The following PTBP3 variants were observed in gnomAD, a reference collection of about 807,000 sequenced individuals.
PTBP3 encodes the protein polypyrimidine tract-binding protein 3.
Under a neutral mutation model 58.7 loss-of-function variants are expected in PTBP3, and 20 were observed. The ratio of observed to expected loss-of-function variants is 0.34; its 90% confidence interval spans 0.24 to 0.50. The LOEUF (loss-of-function observed/expected upper bound fraction) is 0.50, where lower values mean the gene tolerates loss of function less well. Among genes scored for constraint, PTBP3 ranks in the 20% least tolerant of loss-of-function variants. The pLI, the probability that PTBP3 is intolerant of heterozygous loss-of-function variation, is 0.98. For synonymous variants in PTBP3, 185 were observed against 219.8 expected, an observed-to-expected ratio of 0.84 and a Z score of 1.40; for missense variants, 509 against 637.2, an observed-to-expected ratio of 0.80 and a Z score of 2.17.
the PTBP3 span, among the ~76,000 whole-genome samples, chr9:112,378,909 G>A: frequency 6.6e-6 from 1 of 152,184 alleles, no homozygotes; most frequent in South Asian, 2.1e-4. Flanking sequence ...GAGAGAGGCC[G>A]GGCGCGGAGG....
Position 112,262,430 on chromosome 9 carries a change from C to T in PTBP3, c.516+5G>A, listed in dbSNP as rs1836636065. 6.3e-7 allele frequency: 1 copy of T among 1,589,076 alleles called. No individual in the cohort carries two copies. Among genetic ancestry groups the T allele is most frequent in the Admixed American group, 1.8e-5 (1 of 54,692 alleles). ...ACTTTCTTAAGGGTATTTATTCCTCCTTACCTGATGAAGAACTTCCAGGGT... is the reference window on the plus strand; with the variant it reads ...ACTTTCTTAAGGGTATTTATTCCTCTTTACCTGATGAAGAACTTCCAGGGT... On this transcript the variant is annotated splice_donor_5th_base_variant and intron_variant, in intron 5 of 13. Transcript: ENST00000374257.
intron 1 of PTBP3, among the ~76,000 whole-genome samples, chr9:112,299,484 T>C (rs750514046): frequency 6.6e-6 from 1 of 152,084 alleles, no homozygotes; most frequent in Non-Finnish European, 1.5e-5. Flanking sequence ...AGGGTTTATA[T>C]CCAGCACGTA....
At chr9:112,239,518 C>T (rs1835559289) in intron 7 of PTBP3, among the ~76,000 whole-genome samples, 1 of 151,900 alleles carries the variant, frequency 6.6e-6, no homozygotes, top group African/African-American at 2.4e-5. Context: ...TCACTTCAGG[C>T]CACGAGTTCA....
intron 2 of PTBP3, among the ~76,000 whole-genome samples, chr9:112,291,633 A>G (rs1828433624): frequency 6.6e-6 from 1 of 152,240 alleles, no homozygotes; most frequent in Admixed American, 6.5e-5. Flanking sequence ...AGTTTCTTCA[A>G]CATATGGTGC....
chr9:112,367,186 A>C, the PTBP3 span, among the ~76,000 whole-genome samples: 1 of 152,168 alleles, frequency 6.6e-6, no homozygotes, highest in East Asian at 1.9e-4. Flanking sequence ...TCCATGACCA[A>C]ATTATTATAG....
intron 9 of PTBP3, 114 bp from the exon 10 acceptor site, chr9:112,231,527 T>G (rs1437498261): frequency 2.5e-6 from 2 of 800,288 alleles, no homozygotes; most frequent in Admixed American, 5.9e-5. Context: ...TTTATATGCT[T>G]CTTCCGTATA....
chr9:112,249,662 A>G (rs185115014), intron 7 of PTBP3, among the ~76,000 whole-genome samples: 2 of 152,274 alleles, frequency 1.3e-5, no homozygotes, highest in Non-Finnish European at 2.9e-5. Context: ...GAACATTCTG[A>G]TATTTTATAT....
intron 1 of PTBP3, chr9:112,333,079 T>TC: frequency 7.9e-7 from 1 of 1,264,856 alleles, no homozygotes; most frequent in East Asian, 3.2e-5. Context: ...GCGCGCCGCC[T>TC]CCGCCTCCCC....
At chr9:112,353,973 T>G in the PTBP3 span, among the ~76,000 whole-genome samples, 1 of 151,862 alleles carries the variant, frequency 6.6e-6, no homozygotes, top group African/African-American at 2.4e-5. Flanking sequence ...AAAAAATATA[T>G]ATAGATGCTT....
rs183971625 is a variant in PTBP3 at position 112,311,271 on chromosome 9, T to C, written c.-51-13355A>G. Among the ~76,000 whole-genome samples the C allele has an allele frequency of 1.2e-3, 188 of 152,224 alleles. 1 individual carries two copies. Among genetic ancestry groups the C allele is most frequent in the African/African-American group, 4.2e-3 (174 of 41,542 alleles). Reference sequence around the variant, plus strand: ...ATCTGTAGATTCAAACAATCACAGATTGAAAATATTTGGAAAAAAACTGCA... The same window carrying C: ...ATCTGTAGATTCAAACAATCACAGACTGAAAATATTTGGAAAAAAACTGCA... On this transcript the variant is annotated intron_variant, in intron 1 of 13. Transcript: ENST00000374257.
chr9:112,274,698 T>TA (rs145865945), intron 3 of PTBP3, among the ~76,000 whole-genome samples: 1,803 of 152,268 alleles, frequency 0.012, 37 homozygotes, highest in African/African-American at 0.04. Context: ...AATAAACTGT[T>TA]AGACTTTTTG....
At chr9:112,230,994 T>C (rs533528316) in intron 10 of PTBP3, among the ~76,000 whole-genome samples, 10 of 140,938 alleles carry the variant, frequency 7.1e-5, no homozygotes, top group African/African-American at 3.1e-4. Context: ...CAGGTCTCCA[T>C]TATGCTTGCC....
At chr9:112,279,985 A>T (rs1827787206) in intron 2 of PTBP3, among the ~76,000 whole-genome samples, 1 of 152,172 alleles carries the variant, frequency 6.6e-6, no homozygotes, top group African/African-American at 2.4e-5. Flanking sequence ...TCTTGATCTT[A>T]TATCCTACAC....
intron 2 of PTBP3, among the ~76,000 whole-genome samples, chr9:112,281,555 A>G (rs1827868212): frequency 6.6e-6 from 1 of 152,204 alleles, no homozygotes; most frequent in African/African-American, 2.4e-5. Flanking sequence ...GCAGCAGCAT[A>G]ATACTGGCCT....
chr9:112,276,801 A>G (rs1401688812), intron 2 of PTBP3, among the ~76,000 whole-genome samples: 2 of 152,238 alleles, frequency 1.3e-5, no homozygotes, highest in African/African-American at 4.8e-5. Flanking sequence ...AATACTGAGA[A>G]TAACTAGAAT....
chr9:112,317,264 GA>G (rs1329092173), intron 1 of PTBP3, among the ~76,000 whole-genome samples: 1 of 149,730 alleles, frequency 6.7e-6, no homozygotes, highest in South Asian at 2.1e-4. Context: ...AGAAAAAAAA[GA>G]AAAAAAATTA....
intron 1 of PTBP3, among the ~76,000 whole-genome samples, chr9:112,321,521 G>A (rs1161647864): frequency 3.4e-5 from 3 of 89,036 alleles, no homozygotes; most frequent in East Asian, 3.0e-4. Context: ...AGAGTGAGAC[G>A]TAGTCTGAAA....
chr9:112,220,435 C>T lies in PTBP3; in HGVS notation c.*3416G>A, dbSNP rs1589785942. 1 of 1,169,880 alleles carries T rather than the reference C, an allele frequency of 8.5e-7. No individual in the cohort carries two copies. The allele number at this position is 1,169,880 out of a possible 1,614,324, so 72.5% of individuals were successfully genotyped here. ...GCAGAGGCATTCATAGGAGCCACTT[C>T]TCATCAACTAAAACAGAACCCATGA... On this transcript the variant is annotated 3_prime_UTR_variant, in exon 14 of 14. Transcript: ENST00000374257.
chr9:112,285,478 G>A (rs989371917), intron 2 of PTBP3, among the ~76,000 whole-genome samples: 4 of 152,084 alleles, frequency 2.6e-5, no homozygotes, highest in Non-Finnish European at 4.4e-5. Context: ...TTCTGGTGTT[G>A]GGAAAACTGT....
Sources: gnomAD v4.1 joint callset for allele counts (sites outside exome capture counted in the v4.1 genomes callset) on GRCh38, gnomAD v4.1.1 for gene constraint, MANE v1.5 for transcripts, NCBI Gene and HGNC (gene_info 2026-07-23, HGNC 2026-07-21) for gene names.